CTNNA3: variants seen among roughly 807,000 people sequenced by gnomAD.
CTNNA3 encodes catenin alpha 3.
A neutral mutation model predicts 95.7 loss-of-function variants in CTNNA3; 76 were observed. The ratio of observed to expected loss-of-function variants is 0.79; its 90% CI spans 0.66 to 0.96. The LOEUF is 0.96. Ranked by LOEUF, CTNNA3 falls within the 40% of genes least tolerant of loss-of-function variation. The pLI is 0.00. For missense variants in CTNNA3, 1,191 were observed against 1,089.8 expected, an observed-to-expected ratio of 1.09 and a Z score of -1.31; for synonymous variants, 431 against 374.4, an observed-to-expected ratio of 1.15 and a Z score of -1.74.
chr10:65,973,591 T>A (rs758749193), intron 16 of CTNNA3, among the ~76,000 whole-genome samples: 3 of 152,110 alleles, frequency 2.0e-5, no homozygotes, highest in Non-Finnish European at 4.4e-5. Context: ...GGGTAATTTA[T>A]AAAGAAAAGA....
chr10:66,520,831 G>A (rs1426173066), intron 10 of CTNNA3, 58 bp from the exon 11 acceptor site: 11 of 1,355,076 alleles, frequency 8.1e-6, no homozygotes, highest in Non-Finnish European at 1.1e-5. Flanking sequence ...CTATTTGGGT[G>A]ATGGGCACAC....
intron 14 of CTNNA3, among the ~76,000 whole-genome samples, chr10:66,074,668 T>C (rs947410896): frequency 1.3e-5 from 2 of 151,946 alleles, no homozygotes; most frequent in African/African-American, 2.4e-5. Context: ...TTTTAGAACA[T>C]GTTGTCAGTT....
In CTNNA3 at chr10:66,536,834, G is replaced by A. The variant is rs563819322; in HGVS notation, c.1375-16061C>T. Among the ~76,000 whole-genome samples the A allele has an allele frequency of 2.6e-5, 4 of 152,164 alleles. No homozygotes were observed. The East Asian group carries it at 7.7e-4, about 29-fold the overall frequency. On this transcript the variant is annotated intron_variant, in intron 10 of 17. Transcript: ENST00000433211. ...TGAGCGTTGCACTAAATTATACACT[G>A]TAGTTCTTTGTACCTCTCTCTTTCT... is the stretch of plus-strand genomic sequence containing the variant.
chr10:67,336,594 TAGA>T (rs1458449309), intron 5 of CTNNA3, among the ~76,000 whole-genome samples: 2 of 152,180 alleles, frequency 1.3e-5, no homozygotes, highest in Non-Finnish European at 2.9e-5. Context: ...ACCCTTTTAG[TAGA>T]AGAAGATTCC....
chr10:66,395,427 C>G (rs897907292), intron 11 of CTNNA3, among the ~76,000 whole-genome samples: 3 of 151,982 alleles, frequency 2.0e-5, no homozygotes, highest in African/African-American at 7.2e-5. Flanking sequence ...CGGTATCATT[C>G]ACAAAATATT....
chr10:67,055,113 C>T (rs1193319003), intron 7 of CTNNA3: 1 of 152,082 alleles, frequency 6.6e-6, no homozygotes. Context: ...GTCAGCACAT[C>T]CTGGGTCCAA....
chr10:67,752,000 A>C (rs1366004135), intron 1 of CTNNA3, among the ~76,000 whole-genome samples: 1 of 152,036 alleles, frequency 6.6e-6, no homozygotes. Flanking sequence ...TGATACCAAA[A>C]CCTGGCACAG....
At chr10:66,656,223 G>A (rs947125380) in intron 9 of CTNNA3, among the ~76,000 whole-genome samples, 5 of 152,026 alleles carry the variant, frequency 3.3e-5, no homozygotes, top group Admixed American at 1.3e-4. Context: ...TGCAATATAA[G>A]GAAGAATTAG....
intron 10 of CTNNA3, among the ~76,000 whole-genome samples, chr10:66,599,603 T>C (rs1911335): frequency 0.28 from 43,124 of 151,756 alleles, 6,539 homozygotes; most frequent in Middle Eastern, 0.43. Flanking sequence ...GAAAACTCAT[T>C]ACAGGTGTTT....
intron 1 of CTNNA3, among the ~76,000 whole-genome samples, chr10:67,656,597 G>T (rs1840031768): frequency 6.6e-6 from 1 of 151,982 alleles, no homozygotes; most frequent in Non-Finnish European, 1.5e-5. Flanking sequence ...AATAGAGTAG[G>T]CAGGGCTGGG....
chr10:67,563,735 T>C (rs1233214185), intron 3 of CTNNA3, among the ~76,000 whole-genome samples: 1 of 152,130 alleles, frequency 6.6e-6, no homozygotes, highest in East Asian at 1.9e-4. Context: ...ATTTTTTCAA[T>C]CTACCCATCT....
chr10:66,268,243 G>A (rs1244544854), intron 13 of CTNNA3, among the ~76,000 whole-genome samples: 1 of 152,076 alleles, frequency 6.6e-6, no homozygotes, highest in Non-Finnish European at 1.5e-5. Flanking sequence ...GAAAGATGGG[G>A]TTCGTGTCTC....
intron 7 of CTNNA3, among the ~76,000 whole-genome samples, chr10:66,948,417 C>T (rs10822950): frequency 0.27 from 41,236 of 152,004 alleles, 5,875 homozygotes; most frequent in Middle Eastern, 0.33. Context: ...AATGCACTTG[C>T]GTAACAACAT....
At chr10:67,082,846 G>C (rs1244507842) in intron 7 of CTNNA3, among the ~76,000 whole-genome samples, 1 of 152,098 alleles carries the variant, frequency 6.6e-6, no homozygotes, top group Non-Finnish European at 1.5e-5. Context: ...GTAGTCTGGG[G>C]GATGGACCAC....
At chr10:66,506,086 G>A (rs1292608060) in intron 11 of CTNNA3, among the ~76,000 whole-genome samples, 1 of 152,106 alleles carries the variant, frequency 6.6e-6, no homozygotes, top group Non-Finnish European at 1.5e-5. Context: ...GGTAAGGGAG[G>A]AAGCAAAGGG....
intron 7 of CTNNA3, among the ~76,000 whole-genome samples, chr10:67,157,566 G>C (rs1199695732): frequency 1.3e-5 from 2 of 152,126 alleles, no homozygotes; most frequent in Non-Finnish European, 2.9e-5. Context: ...TAGTAAAAGA[G>C]GAGGTTTGTA....
chr10:65,978,102 C>T (rs1345232516), intron 16 of CTNNA3, among the ~76,000 whole-genome samples: 4 of 151,940 alleles, frequency 2.6e-5, no homozygotes, highest in African/African-American at 9.7e-5. Context: ...TATCAAGTCC[C>T]TCAAAGCAAA....
chr10:66,091,987 C>A, intron 14 of CTNNA3, among the ~76,000 whole-genome samples: 1 of 151,756 alleles, frequency 6.6e-6, no homozygotes, highest in Admixed American at 6.6e-5. Context: ...TAGTCACAGT[C>A]AAAATTAATT....
intron 6 of CTNNA3, among the ~76,000 whole-genome samples, chr10:67,208,889 C>A (rs951719533): frequency 6.6e-6 from 1 of 151,654 alleles, no homozygotes. Context: ...AAAAGGAAGC[C>A]AAGAATATCA....
Sources: gnomAD v4.1 joint callset for allele counts (sites outside exome capture counted in the v4.1 genomes callset) on GRCh38, gnomAD v4.1.1 for gene constraint, MANE v1.5 for transcripts, NCBI Gene and HGNC (gene_info 2026-07-23, HGNC 2026-07-21) for gene names.